MARS2: variants seen among roughly 807,000 people sequenced by gnomAD.
The protein encoded by MARS2 is methionyl-tRNA synthetase 2, mitochondrial, also known as methionine--tRNA ligase, mitochondrial.
In MARS2, 33 loss-of-function variants were observed where a neutral mutation model predicts 43.8. The observed-to-expected ratio is 0.75, with a 90% CI of 0.57 to 1.01. MARS2 has a LOEUF of 1.01. Ranked by LOEUF, MARS2 falls within the 50% of genes least tolerant of loss-of-function variation. MARS2 has a pLI of 0.00. For synonymous variants in MARS2, 351 were observed against 325.5 expected (o/e 1.08, Z -0.84); for missense variants, 720 against 763.0 (o/e 0.94, Z 0.66).
chr2:197,707,585 C>T lies in MARS2; in HGVS notation c.*398C>T, dbSNP rs1261228616. 5.1e-6 allele frequency: 1 copy of T among 194,602 alleles called. No homozygotes were observed. Among genetic ancestry groups the T allele is most frequent in the South Asian group, 1.2e-4 (1 of 8,568 alleles). The allele number at this position is 194,602 out of a possible 1,614,324, so 12.1% of individuals were successfully genotyped here. The stretch of plus-strand genomic sequence containing the variant: ...TCTTTGAGGGTCAGGGTTGGAGGCC[C>T]CTTACTGGTGGTTTTACAGGGGGAT... On this transcript the variant is annotated 3_prime_UTR_variant, in exon 1 of 1. Transcript: ENST00000282276.
At position 197,707,233 on chromosome 2, in the gene MARS2, CTTTTTAT is replaced by C; in HGVS notation, c.*57_*63del. On this transcript the variant is annotated 3_prime_UTR_variant, in exon 1 of 1. Transcript: ENST00000282276. Reference sequence around the variant, plus strand: ...TGTGGTAAAAAAGCAAATGTGTTATCTTTTTATTTTTTATTTTCAGGAAAGTTATACT... The same window carrying C: ...TGTGGTAAAAAAGCAAATGTGTTATCTTTTTATTTTCAGGAAAGTTATACT... 2 of 1,508,936 alleles carry C rather than the reference CTTTTTAT, an allele frequency of 1.3e-6. No homozygotes were observed. Among genetic ancestry groups the C allele is most frequent in the Non-Finnish European group, 1.8e-6 (2 of 1,116,862 alleles). The allele number at this position is 1,508,936 out of a possible 1,614,324, so 93.5% of individuals were successfully genotyped here.
chr2:197,706,690 TTCCCTAGTGAGCCAGGGTTGG>T lies in MARS2; in HGVS notation c.1287_1307del (p.Phe429_Val436delinsLeu). The T allele has an allele frequency of 6.2e-7, 1 of 1,614,120 alleles. No individual in the cohort carries two copies. The highest frequency in any genetic ancestry group is 8.5e-7 in the Non-Finnish European group (1 of 1,180,038). ...CTACCCAGCCTTCTGCACTACCTGC[TTCCCTAGTGAGCCAGGGTTGG>T]TGGGGCCGTCAGTTCGTGCTCAGGC... On this transcript the variant is annotated inframe_deletion, in exon 1 of 1. Coordinates refer to ENST00000282276, the MANE Select transcript of MARS2 (RefSeq NM_138395.4).
chr2:197,706,531 C>T lies in MARS2; in HGVS notation c.1126C>T (p.Arg376Trp). ...TVDGFRYFLL[R>W]QGVPNWDCDY... ...GGATGGCTTCCGCTACTTTCTCCTT[C>T]GGCAGGGCGTCCCCAACTGGGACTG... Residue 376 changes from arginine (R) to tryptophan (W), a missense_variant, in exon 1 of 1, where the codon CGG becomes TGG. Physicochemically the swap from Arg to Trp is moderately radical, Grantham distance 101 (BLOSUM62 -3). Coordinates refer to ENST00000282276, the MANE Select transcript of MARS2 (RefSeq NM_138395.4). 1.2e-6 allele frequency: 2 copies of T among 1,614,200 alleles called. No individual in the cohort carries two copies. Among genetic ancestry groups the T allele is most frequent in the Non-Finnish European group, 1.7e-6 (2 of 1,180,038 alleles).
In MARS2 at chr2:197,706,913, C is replaced by G. The variant is rs1234064411; in HGVS notation, c.1508C>G (p.Ala503Gly). 1 of 1,614,204 alleles carries G rather than the reference C, an allele frequency of 6.2e-7. No homozygotes were observed. The highest frequency in any genetic ancestry group is 2.2e-5 in the East Asian group (1 of 44,888). ...CTGAACTGGGAGAGCCCAGTGGATG[C>G]TCCCTGGCTGGGTACTGTGCTTCAT... ...WKLNWESPVD[A>G]PWLGTVLHVA... Residue 503 changes from alanine to glycine, a missense_variant, in exon 1 of 1, where the codon GCT becomes GGT. Ala to Gly is a moderately conservative substitution (Grantham distance 60). Coordinates refer to ENST00000282276, the MANE Select transcript of MARS2 (RefSeq NM_138395.4).
Position 197,706,505 on chromosome 2 carries a change from T to TA in MARS2, c.1100_1101insA (p.Asp368GlyfsTer18). On this transcript the variant is annotated frameshift_variant, in exon 1 of 1. Transcript: ENST00000282276. LOFTEE classifies it high-confidence loss of function. ...AGGACTTGCCTTAACCGCTATACCGTGGATGGCTTCCGCTACTTTCTCCTT... is the reference window on the plus strand; with the variant it reads ...AGGACTTGCCTTAACCGCTATACCGTAGGATGGCTTCCGCTACTTTCTCCTT... 6.2e-7 allele frequency: 1 copy of TA among 1,614,090 alleles called. No individual in the cohort carries two copies. Among genetic ancestry groups the TA allele is most frequent in the Non-Finnish European group, 8.5e-7 (1 of 1,180,042 alleles).
Position 197,707,343 on chromosome 2 carries a change from C to A in MARS2, c.*156C>A. On this transcript the variant is annotated 3_prime_UTR_variant, in exon 1 of 1. Coordinates refer to ENST00000282276, the MANE Select transcript of MARS2 (RefSeq NM_138395.4). ...AAAGAGGTTTGTAGCCTTTCAGGTG[C>A]CTGCTCCTATTCATTTCTCTGTGAC... is the stretch of plus-strand genomic sequence containing the variant. 1.6e-6 allele frequency: 1 copy of A among 636,566 alleles called. No homozygotes were observed. Among genetic ancestry groups the A allele is most frequent in the Non-Finnish European group, 2.6e-6 (1 of 378,964 alleles). 39.4% of individuals were successfully genotyped at this position (636,566 alleles called of 1,614,324 possible).
rs1559380051 is a variant in MARS2 at position 197,708,220 on chromosome 2, A to C, written c.*1033A>C. 6.0e-6 allele frequency: 1 copy of C among 166,988 alleles called. No individual in the cohort carries two copies. Among genetic ancestry groups the C allele is most frequent in the Non-Finnish European group, 1.5e-5 (1 of 68,110 alleles). 10.3% of individuals were successfully genotyped at this position (166,988 alleles called of 1,614,324 possible). Reference sequence around the variant, plus strand: ...TCTTATAGTCTTAATTTTGTTATCCATGTGCATAATTTACCTCATGATTTC... The same window carrying C: ...TCTTATAGTCTTAATTTTGTTATCCCTGTGCATAATTTACCTCATGATTTC... On this transcript the variant is annotated 3_prime_UTR_variant, in exon 1 of 1. Coordinates refer to ENST00000282276, the MANE Select transcript of MARS2 (RefSeq NM_138395.4).
chr2:197,705,455 G>A lies in MARS2; in HGVS notation c.50G>A (p.Arg17Lys). The change falls in exon 1 of 1, where the codon AGG (arginine) becomes AAG (lysine). Residue 17 changes from arginine (R) to lysine (K), a missense_variant. Physicochemically the swap from Arg to Lys is conservative, Grantham distance 26 (BLOSUM62 2). Coordinates refer to ENST00000282276, the MANE Select transcript of MARS2 (RefSeq NM_138395.4). Reference protein sequence around the residue: ...LRLLGRTGASRLSLLEDFGPR... With the variant: ...LRLLGRTGASKLSLLEDFGPR... Reference sequence around the variant, plus strand: ...CTGCTAGGACGCACGGGGGCTAGTAGGCTGTCTCTCCTGGAGGACTTCGGC... The same window carrying A: ...CTGCTAGGACGCACGGGGGCTAGTAAGCTGTCTCTCCTGGAGGACTTCGGC... 1.9e-6 allele frequency: 3 copies of A among 1,612,742 alleles called. No individual in the cohort carries two copies. The highest frequency in any genetic ancestry group is 2.2e-5 in the East Asian group (1 of 44,880).
rs765894315 is a variant in MARS2 at position 197,705,374 on chromosome 2, G to A, written c.-32G>A. ...CGCCTCTCACACGTGCTGTCAGAAC[G>A]CCGCCTCCTCCGCTTGCGGCCGGTC... is the stretch of plus-strand genomic sequence containing the variant. On this transcript the variant is annotated 5_prime_UTR_variant, in exon 1 of 1. Coordinates refer to ENST00000282276, the MANE Select transcript of MARS2 (RefSeq NM_138395.4). 1.5e-5 allele frequency: 23 copies of A among 1,546,764 alleles called. No homozygotes were observed. Among genetic ancestry groups the A allele is most frequent in the South Asian group, 4.8e-5 (4 of 83,172 alleles).
rs2089480879 is a variant in MARS2 at position 197,706,845 on chromosome 2, C to T, written c.1440C>T (p.Val480=). The T allele has an allele frequency of 5.0e-6, 8 of 1,614,028 alleles. No individual in the cohort carries two copies. The South Asian group carries it at 7.7e-5, about 16-fold the overall frequency. Residue 480 remains valine (V), a synonymous_variant, in exon 1 of 1, where the codon GTC becomes GTT. Coordinates refer to ENST00000282276, the MANE Select transcript of MARS2 (RefSeq NM_138395.4). Reference sequence around the variant, plus strand: ...CTCTGGAGGCCGTGTCCAGCTGTGTCCGGCAAACTAATGGTTTTGTCCAAA... The same window carrying T: ...CTCTGGAGGCCGTGTCCAGCTGTGTTCGGCAAACTAATGGTTTTGTCCAAA... ...YKALEAVSSC[V]RQTNGFVQRH... is the part of the protein sequence containing the mutation.
Position 197,707,153 on chromosome 2 carries a change from C to A in MARS2, c.1748C>A (p.Ser583Tyr). The part of the protein sequence containing the change: ...TGLLFPRLDQ[S>Y]RTWLVKAHRT ...CTTTTGTTTCCAAGACTAGACCAGTCCAGGACTTGGCTGGTGAAAGCCCAC... is the reference window on the plus strand; with the variant it reads ...CTTTTGTTTCCAAGACTAGACCAGTACAGGACTTGGCTGGTGAAAGCCCAC... The change falls in exon 1 of 1, where the codon TCC (serine) becomes TAC (tyrosine). Residue 583 changes from serine to tyrosine, a missense_variant. Transcript: ENST00000282276. The A allele has an allele frequency of 6.2e-7, 1 of 1,613,850 alleles. No individual in the cohort carries two copies. Among genetic ancestry groups the A allele is most frequent in the Non-Finnish European group, 8.5e-7 (1 of 1,179,912 alleles).
At position 197,706,664 on chromosome 2, in the gene MARS2, C is replaced by G. The variant is rs761024379; in HGVS notation, c.1259C>G (p.Thr420Ser). 6.8e-6 allele frequency: 11 copies of G among 1,614,052 alleles called. No homozygotes were observed. The change falls in exon 1 of 1, where the codon ACC (threonine) becomes AGC (serine). Residue 420 changes from threonine to serine, a missense_variant. By Grantham distance (58) the Thr-to-Ser change is moderately conservative (BLOSUM62 1). Coordinates refer to ENST00000282276, the MANE Select transcript of MARS2 (RefSeq NM_138395.4). ...GCCAAAAGAATAAATCCTTCTGAGA[C>G]CTACCCAGCCTTCTGCACTACCTGC... Reference protein sequence around the residue: ...CTAKRINPSETYPAFCTTCFP... With the variant: ...CTAKRINPSESYPAFCTTCFP...
Position 197,705,961 on chromosome 2 carries a change from C to T in MARS2, c.556C>T (p.Pro186Ser). 6.2e-7 allele frequency: 1 copy of T among 1,614,142 alleles called. No individual in the cohort carries two copies. The highest frequency in any genetic ancestry group is 8.5e-7 in the Non-Finnish European group (1 of 1,180,008). ...GCCTGAGGCCAAGGTCACCCAGCAGCCGGGCCCATCGGGGGATTCGTTTCC... is the reference window on the plus strand; with the variant it reads ...GCCTGAGGCCAAGGTCACCCAGCAGTCGGGCCCATCGGGGGATTCGTTTCC... ...FLPEAKVTQQ[P>S]GPSGDSFPVS... The change falls in exon 1 of 1, where the codon CCG becomes TCG. Residue 186 changes from proline (P) to serine (S), a missense_variant. Pro to Ser is a moderately conservative substitution (Grantham distance 74, BLOSUM62 -1). Transcript: ENST00000282276.
In MARS2 at chr2:197,706,598, A is replaced by G. The variant is rs1206293422; in HGVS notation, c.1193A>G (p.Glu398Gly). 6.2e-7 allele frequency: 1 copy of G among 1,614,266 alleles called. No individual in the cohort carries two copies. Among genetic ancestry groups the G allele is most frequent in the Non-Finnish European group, 8.5e-7 (1 of 1,180,048 alleles). The change falls in exon 1 of 1, where the codon GAG (glutamate) becomes GGG (glycine). Residue 398 changes from glutamate (E) to glycine (G), a missense_variant. Physicochemically the swap from Glu to Gly is moderately conservative, Grantham distance 98. Transcript: ENST00000282276. ...AAGGTGGTTAAGTTGCTGAACTCCG[A>G]GCTGGCAGATGCCTTGGGAGGTCTC... is the stretch of plus-strand genomic sequence containing the variant. ...DEKVVKLLNS[E>G]LADALGGLLN...
Position 197,706,723 on chromosome 2 carries a change from G to A in MARS2, c.1318G>A (p.Val440Ile). 6.2e-7 allele frequency: 1 copy of A among 1,614,046 alleles called. No homozygotes were observed. The highest frequency in any genetic ancestry group is 8.5e-7 in the Non-Finnish European group (1 of 1,180,038). ...PSEPGLVGPS[V>I]RAQAEDYALV... is the part of the protein sequence containing the mutation. The stretch of plus-strand genomic sequence containing the variant: ...TGAGCCAGGGTTGGTGGGGCCGTCA[G>A]TTCGTGCTCAGGCAGAGGATTATGC... Residue 440 changes from valine (V) to isoleucine (I), a missense_variant, in exon 1 of 1, where the codon GTT becomes ATT. Physicochemically the swap from Val to Ile is conservative, Grantham distance 29. Coordinates refer to ENST00000282276, the MANE Select transcript of MARS2 (RefSeq NM_138395.4).
At position 197,706,531 on chromosome 2, in the gene MARS2, C is replaced by A; in HGVS notation, c.1126C>A (p.Arg376=). 2 of 1,614,200 alleles carry A rather than the reference C, an allele frequency of 1.2e-6. No individual in the cohort carries two copies. Among genetic ancestry groups the A allele is most frequent in the Non-Finnish European group, 1.7e-6 (2 of 1,180,038 alleles). ...TVDGFRYFLL[R]QGVPNWDCDY... Reference sequence around the variant, plus strand: ...GGATGGCTTCCGCTACTTTCTCCTTCGGCAGGGCGTCCCCAACTGGGACTG... The same window carrying A: ...GGATGGCTTCCGCTACTTTCTCCTTAGGCAGGGCGTCCCCAACTGGGACTG... The change falls in exon 1 of 1, where the codon CGG becomes AGG. Residue 376 remains arginine, a synonymous_variant. Transcript: ENST00000282276.
Position 197,708,095 on chromosome 2 carries a change from C to T in MARS2, c.*908C>T, listed in dbSNP as rs1467528294. 6.0e-6 allele frequency: 1 copy of T among 167,052 alleles called. No individual in the cohort carries two copies. The highest frequency in any genetic ancestry group is 1.5e-5 in the Non-Finnish European group (1 of 68,096). The allele number at this position is 167,052 out of a possible 1,614,324, so 10.3% of individuals were successfully genotyped here. ...ATAATAAATTATAAAACTCTTGAGGCACTTGGTATGTTAAAAATTTTAAAC... is the reference window on the plus strand; with the variant it reads ...ATAATAAATTATAAAACTCTTGAGGTACTTGGTATGTTAAAAATTTTAAAC... On this transcript the variant is annotated 3_prime_UTR_variant, in exon 1 of 1. Coordinates refer to ENST00000282276, the MANE Select transcript of MARS2 (RefSeq NM_138395.4).
chr2:197,707,404 G>A lies in MARS2; in HGVS notation c.*217G>A, dbSNP rs2089485560. The A allele has an allele frequency of 9.2e-6, 5 of 542,764 alleles. No homozygotes were observed. Among genetic ancestry groups the A allele is most frequent in the Admixed American group, 3.4e-5 (1 of 29,352 alleles). The allele number at this position is 542,764 out of a possible 1,614,324, so 33.6% of individuals were successfully genotyped here. ...TGTCCTTTGTGCATTGTGTGTCTAAGATGTCTTCAGGGGAAAGATGGGTAA... is the reference window on the plus strand; with the variant it reads ...TGTCCTTTGTGCATTGTGTGTCTAAAATGTCTTCAGGGGAAAGATGGGTAA... On this transcript the variant is annotated 3_prime_UTR_variant, in exon 1 of 1. Transcript: ENST00000282276.
chr2:197,705,401 G>A lies in MARS2; in HGVS notation c.-5G>A. The stretch of plus-strand genomic sequence containing the variant: ...CGCCTCCTCCGCTTGCGGCCGGTCT[G>A]CACCATGCTGCGAACGTCCGTCCTC... On this transcript the variant is annotated 5_prime_UTR_variant, in exon 1 of 1. Coordinates refer to ENST00000282276, the MANE Select transcript of MARS2 (RefSeq NM_138395.4). 5 of 1,605,940 alleles carry A rather than the reference G, an allele frequency of 3.1e-6. No individual in the cohort carries two copies. Among genetic ancestry groups the A allele is most frequent in the Non-Finnish European group, 4.2e-6 (5 of 1,176,628 alleles).
Sources: gnomAD v4.1 joint callset for allele counts on GRCh38, gnomAD v4.1.1 for gene constraint, MANE v1.5 for transcripts, NCBI Gene and HGNC (gene_info 2026-07-23, HGNC 2026-07-21) for gene names.